EXOSC9: variants seen among roughly 807,000 people sequenced by gnomAD.
The protein encoded by EXOSC9 is exosome complex component RRP45.
A neutral mutation model predicts 56.5 loss-of-function variants in EXOSC9; 38 were observed. The observed-to-expected ratio is 0.67, with a 90% confidence interval of 0.52 to 0.88. The LOEUF is 0.88. Ranked by LOEUF, EXOSC9 falls within the 40% of genes least tolerant of loss-of-function variation. The probability of loss-of-function intolerance (pLI) is 0.00; values close to 1 mark genes in which losing one functional copy is unlikely to be tolerated. For missense variants in EXOSC9, 559 were observed against 530.5 expected, an observed-to-expected ratio of 1.05 and a Z score of -0.53; for synonymous variants, 170 against 170.8, an observed-to-expected ratio of 0.99 and a Z score of 0.04.
At chr4:121,815,318 C>T (rs945320434) in intron 10 of EXOSC9, 3 of 958,956 alleles carry the variant, frequency 3.1e-6, no homozygotes, top group East Asian at 2.3e-4. Flanking sequence ...AATATCCTTG[C>T]ACTTGCATAT....
intron 10 of EXOSC9, chr4:121,814,516 A>G (rs529560014): frequency 6.6e-6 from 1 of 152,456 alleles, no homozygotes; most frequent in African/African-American, 2.4e-5. Flanking sequence ...TGTAGTTTCT[A>G]GACTGAAACA....
At chr4:121,807,419 GTTAT>G (rs1447523995) in intron 5 of EXOSC9, 117 bp from the exon 6 acceptor site, 24 of 507,534 alleles carry the variant, frequency 4.7e-5, no homozygotes, top group African/African-American at 4.1e-4. Context: ...ATTAAAAGAA[GTTAT>G]TTAGGTACTC....
intron 10 of EXOSC9, chr4:121,815,774 A>T (rs574360462): frequency 1.0e-6 from 1 of 1,000,644 alleles, no homozygotes; most frequent in South Asian, 4.7e-5. Flanking sequence ...GGAATAGAGT[A>T]GCACAAACAA....
chr4:121,807,450 T>C, intron 5 of EXOSC9, 90 bp from the exon 6 acceptor site: 1 of 722,528 alleles, frequency 1.4e-6, no homozygotes, highest in Non-Finnish European at 2.3e-6. Flanking sequence ...ATAAAGGAAC[T>C]TCATTTTTTA....
In EXOSC9 at chr4:121,816,974, T is replaced by C. The variant is rs1724544438; in HGVS notation, c.*118T>C. On this transcript the variant is annotated 3_prime_UTR_variant, in exon 12 of 12. Coordinates refer to ENST00000243498, the MANE Select transcript of EXOSC9 (RefSeq NM_005033.3). ...ATAAAATCTAGCAGGATTTTAAAAA[T>C]AGTTTTTTGTTTTTAATGTGCTTTA... 1.9e-6 allele frequency: 2 copies of C among 1,080,978 alleles called. No individual in the cohort carries two copies. Among genetic ancestry groups the C allele is most frequent in the South Asian group, 2.1e-5 (1 of 47,006 alleles). 67.0% of individuals were successfully genotyped at this position (1,080,978 alleles called of 1,614,324 possible).
chr4:121,801,654 A>G, intron 1 of EXOSC9, 164 bp downstream of exon 1: 1 of 792,902 alleles, frequency 1.3e-6, no homozygotes, highest in Non-Finnish European at 2.1e-6. Flanking sequence ...GGTTCTTTTC[A>G]AGGCTCCAGT....
At chr4:121,806,643 T>C (rs946689986) in intron 5 of EXOSC9, among the ~76,000 whole-genome samples, 6 of 152,202 alleles carry the variant, frequency 3.9e-5, no homozygotes, top group African/African-American at 1.4e-4. Flanking sequence ...AGATAAAATG[T>C]CATATATACA....
intron 1 of EXOSC9, 54 bp downstream of exon 1, chr4:121,801,544 G>T: frequency 6.5e-7 from 1 of 1,545,810 alleles, no homozygotes; most frequent in Non-Finnish European, 8.9e-7. Context: ...GGGTCTCAAG[G>T]TGTGGACTGA....
In EXOSC9 at chr4:121,816,501, G is replaced by A. The variant is rs1266567663; in HGVS notation, c.1235+54G>A. 3.4e-6 allele frequency: 4 copies of A among 1,180,172 alleles called. No individual in the cohort carries two copies. In the East Asian group the frequency reaches 9.6e-5, roughly 28 times the overall value. 73.1% of individuals were successfully genotyped at this position (1,180,172 alleles called of 1,614,324 possible). Reference sequence around the variant, plus strand: ...TATACATATACTCAACACTTATAGAGGTTTGCTCTCTGGTTTTACTCTCAT... The same window carrying A: ...TATACATATACTCAACACTTATAGAAGTTTGCTCTCTGGTTTTACTCTCAT... On this transcript the variant is annotated intron_variant, in intron 11 of 11. Coordinates refer to ENST00000243498, the MANE Select transcript of EXOSC9 (RefSeq NM_005033.3).
In EXOSC9 at chr4:121,807,591, A is replaced by G. The variant is rs1344279085; in HGVS notation, c.574A>G (p.Ile192Val). 3 of 1,613,542 alleles carry G rather than the reference A, an allele frequency of 1.9e-6. No homozygotes were observed. The highest frequency in any genetic ancestry group is 1.7e-5 in the Admixed American group (1 of 59,998). The change falls in exon 6 of 12, where the codon ATT becomes GTT. Residue 192 changes from isoleucine to valine, a missense_variant. Physicochemically the swap from Ile to Val is conservative, Grantham distance 29. Coordinates refer to ENST00000243498, the MANE Select transcript of EXOSC9 (RefSeq NM_005033.3). The part of the protein sequence containing the change: ...PVPLSIHHMP[I>V]CVSFAFFQQG... The stretch of plus-strand genomic sequence containing the variant: ...ACCATTAAGTATCCACCACATGCCC[A>G]TTTGTGTCAGTTTTGCCTTTTTCCA...
Position 121,811,676 on chromosome 4 carries a change from G to T in EXOSC9, c.827+5G>T. 1 of 1,471,928 alleles carries T rather than the reference G, an allele frequency of 6.8e-7. No individual in the cohort carries two copies. The highest frequency in any genetic ancestry group is 9.2e-7 in the Non-Finnish European group (1 of 1,081,298). The allele number at this position is 1,471,928 out of a possible 1,614,324, so 91.2% of individuals were successfully genotyped here. A position where few individuals can be genotyped will look rare whatever the true frequency, so the allele number is the denominator to read the frequency against. ...GGAGAATGACCAAAAAGTAAGGTAA[G>T]TAACTTTTCCAGAACTAAGTGGTCT... On this transcript the variant is annotated splice_donor_5th_base_variant and intron_variant, in intron 8 of 11. Coordinates refer to ENST00000243498, the MANE Select transcript of EXOSC9 (RefSeq NM_005033.3).
At chr4:121,804,174 A>C (rs1024627978) in intron 4 of EXOSC9, among the ~76,000 whole-genome samples, 7 of 140,382 alleles carry the variant, frequency 5.0e-5, no homozygotes, top group Admixed American at 7.2e-5. Context: ...CTAACTAAAA[A>C]ACTTTTTTTT....
chr4:121,816,384 T>A lies in EXOSC9; in HGVS notation c.1172T>A (p.Leu391His). 1 of 1,545,958 alleles carries A rather than the reference T, an allele frequency of 6.5e-7. No individual in the cohort carries two copies. The highest frequency in any genetic ancestry group is 8.7e-7 in the Non-Finnish European group (1 of 1,144,222). ...DIGSQDAPII[L>H]SDSEEEEMII... Reference sequence around the variant, plus strand: ...AAAAACAAAGATGCTCCCATAATACTCTCAGATAGTGAAGAAGAAGAAATG... The same window carrying A: ...AAAAACAAAGATGCTCCCATAATACACTCAGATAGTGAAGAAGAAGAAATG... The change falls in exon 11 of 12, where the codon CTC becomes CAC. Residue 391 changes from leucine to histidine, a missense_variant. Leu to His is a moderately conservative substitution (Grantham distance 99). Coordinates refer to ENST00000243498, the MANE Select transcript of EXOSC9 (RefSeq NM_005033.3).
intron 10 of EXOSC9, chr4:121,815,976 T>G: frequency 8.0e-7 from 1 of 1,242,688 alleles, no homozygotes; most frequent in African/African-American, 1.6e-5. Flanking sequence ...TAGAGTTTTA[T>G]TTTTATTTTT....
Position 121,811,662 on chromosome 4 carries a change from A to G in EXOSC9, c.818A>G (p.Gln273Arg), listed in dbSNP as rs941505675. 6 of 1,545,582 alleles carry G rather than the reference A, an allele frequency of 3.9e-6. No homozygotes were observed. Among genetic ancestry groups the G allele is most frequent in the Non-Finnish European group, 8.8e-7 (1 of 1,139,412 alleles). The change falls in exon 8 of 12, where the codon CAA (glutamine) becomes CGA (arginine). Residue 273 changes from glutamine to arginine, a missense_variant. Coordinates refer to ENST00000243498, the MANE Select transcript of EXOSC9 (RefSeq NM_005033.3). Reference protein sequence around the residue: ...ELILKALENDQKVRKEGGKFG... With the variant: ...ELILKALENDRKVRKEGGKFG... ...ATATTGAAAGCTTTGGAGAATGACC[A>G]AAAAGTAAGGTAAGTAACTTTTCCA...
intron 2 of EXOSC9, 108 bp from the exon 3 acceptor site, chr4:121,802,566 C>T (rs888607402): frequency 6.2e-6 from 6 of 963,478 alleles, no homozygotes; most frequent in Non-Finnish European, 9.4e-6. Flanking sequence ...ATTTATTTGG[C>T]TGAGTATGAT....
intron 11 of EXOSC9, 128 bp from the exon 12 acceptor site, chr4:121,816,644 C>A (rs1358204446): frequency 1.0e-6 from 1 of 980,894 alleles, no homozygotes; most frequent in Non-Finnish European, 1.5e-6. Flanking sequence ...ATATAAACTT[C>A]TTGGATGCCA....
intron 4 of EXOSC9, 142 bp downstream of exon 4, chr4:121,803,159 C>T (rs1726920155): frequency 5.0e-6 from 3 of 604,456 alleles, no homozygotes; most frequent in South Asian, 4.4e-5. Flanking sequence ...TGAGTGATAC[C>T]CTTAGAACTT....
chr4:121,811,214 G>A (rs1053438109), intron 7 of EXOSC9, among the ~76,000 whole-genome samples: 2 of 152,154 alleles, frequency 1.3e-5, no homozygotes, highest in Non-Finnish European at 2.9e-5. Context: ...CATTTATTAA[G>A]TGTGCAATAA....
Sources: gnomAD v4.1 joint callset for allele counts (sites outside exome capture counted in the v4.1 genomes callset) on GRCh38, gnomAD v4.1.1 for gene constraint, MANE v1.5 for transcripts, NCBI Gene and HGNC (gene_info 2026-07-23, HGNC 2026-07-21) for gene names.